Variants in ZNF121 observed in about 807,000 individuals in gnomAD.
ZNF121 encodes zinc finger protein 121.
A neutral mutation model predicts 2.4 loss-of-function variants in ZNF121; 1 was observed. The ratio of observed to expected loss-of-function variants is 0.41; its 90% CI spans 0.15 to 1.94. ZNF121 has a LOEUF of 1.94. ZNF121 is among the 30% of genes most tolerant of loss of function. ZNF121 has a pLI of 0.30. For missense variants in ZNF121, 369 were observed against 466.3 expected, an observed-to-expected ratio of 0.79 and a Z score of 1.92; for synonymous variants, 173 against 158.6, an observed-to-expected ratio of 1.09 and a Z score of -0.68.
chr19:9,574,452 C>T (rs2070108808), intron 1 of ZNF121, among the ~76,000 whole-genome samples: 1 of 152,186 alleles, frequency 6.6e-6, no homozygotes, highest in South Asian at 2.1e-4. Flanking sequence ...CCGCGCCCGG[C>T]CCTAGCAAGG....
rs1161246725 is a variant in ZNF121 at position 9,563,699 on chromosome 19, A to T, written c.*2241T>A. ...CTCAGCCTCCCAAAGCACTGGAATT[A>T]CAGGTGTAAGCCACTTTTCCCAGCC... On this transcript the variant is annotated 3_prime_UTR_variant, in exon 4 of 4. Coordinates refer to ENST00000320451, the MANE Select transcript of ZNF121 (RefSeq NM_001008727.5). 6.6e-6 allele frequency: 1 copy of T among 152,218 alleles called. No homozygotes were observed. Among genetic ancestry groups the T allele is most frequent in the African/African-American group, 2.4e-5 (1 of 41,462 alleles). The allele number at this position is 152,218 out of a possible 1,614,324, so 9.4% of individuals were successfully genotyped here.
intron 1 of ZNF121, among the ~76,000 whole-genome samples, chr19:9,572,158 A>G (rs2074178866): frequency 6.6e-6 from 1 of 152,188 alleles, no homozygotes; most frequent in South Asian, 2.1e-4. Context: ...CCTGACAGAA[A>G]ACTACAACCA....
rs1383576630 is a variant in ZNF121, at chr19:9,564,889, G to C, written c.*1051C>G. On this transcript the variant is annotated 3_prime_UTR_variant, in exon 4 of 4. Coordinates refer to ENST00000320451, the MANE Select transcript of ZNF121 (RefSeq NM_001008727.5). ...TTTAAGAAACTGCCACAGCCACCCT[G>C]ATCAACAGCCATCAACACTGAGGCA... The C allele has an allele frequency of 1.3e-5, 2 of 152,236 alleles. No homozygotes were observed. Among genetic ancestry groups the C allele is most frequent in the Non-Finnish European group, 2.9e-5 (2 of 68,038 alleles). 9.4% of individuals were successfully genotyped at this position (152,236 alleles called of 1,614,324 possible).
intron 1 of ZNF121, among the ~76,000 whole-genome samples, chr19:9,575,526 C>T (rs778920696): frequency 1.3e-5 from 2 of 151,990 alleles, no homozygotes; most frequent in East Asian, 3.9e-4. Context: ...GGGCAGATCA[C>T]GAGGTCAGAA....
At chr19:9,574,733 A>G (rs2074198657) in intron 1 of ZNF121, among the ~76,000 whole-genome samples, 1 of 152,242 alleles carries the variant, frequency 6.6e-6, no homozygotes, top group South Asian at 2.1e-4. Flanking sequence ...AATAAGGAAT[A>G]GGAACAGGCT....
chr19:9,577,095 T>C (rs922382648), intron 1 of ZNF121, among the ~76,000 whole-genome samples: 2 of 152,222 alleles, frequency 1.3e-5, no homozygotes, highest in African/African-American at 4.8e-5. Context: ...AAACTTGGTC[T>C]ACAAAGTGAG....
rs1343652112 is a variant in ZNF121 at position 9,560,538 on chromosome 19, G to C, written c.*5402C>G. On this transcript the variant is annotated 3_prime_UTR_variant, in exon 4 of 4. Transcript: ENST00000320451. ...CTTGTGGCAAATACCGCAGTACTTT[G>C]TTCTTCTGAGTTTGACGTTAGATAC... 1.3e-5 allele frequency: 2 copies of C among 152,138 alleles called. No individual in the cohort carries two copies. Among genetic ancestry groups the C allele is most frequent in the Non-Finnish European group, 2.9e-5 (2 of 68,038 alleles). The allele number at this position is 152,138 out of a possible 1,614,324, so 9.4% of individuals were successfully genotyped here. A position where few individuals can be genotyped will look rare whatever the true frequency, so the allele number is the denominator to read the frequency against.
intron 1 of ZNF121, among the ~76,000 whole-genome samples, chr19:9,580,821 T>C (rs2074243678): frequency 6.6e-6 from 1 of 152,196 alleles, no homozygotes; most frequent in African/African-American, 2.4e-5. Flanking sequence ...TATTCCATAG[T>C]CAATCCATGC....
At chr19:9,572,498 A>T (rs186123692) in intron 1 of ZNF121, among the ~76,000 whole-genome samples, 20 of 152,280 alleles carry the variant, frequency 1.3e-4, no homozygotes, top group Admixed American at 1.3e-3. Flanking sequence ...CAGGACTACC[A>T]TCCCAGCCCT....
At chr19:9,582,915 A>T (rs1264179485) in intron 1 of ZNF121, among the ~76,000 whole-genome samples, 1 of 32,838 alleles carries the variant, frequency 3.0e-5, no homozygotes, top group Non-Finnish European at 4.8e-5. Context: ...TAATATTCTG[A>T]TTATAAAGCC....
chr19:9,570,727 T>C (rs972548318), intron 1 of ZNF121, among the ~76,000 whole-genome samples: 8 of 134,564 alleles, frequency 5.9e-5, no homozygotes, highest in African/African-American at 2.4e-4. Context: ...CCACCACACT[T>C]GGCTAATTTT....
At chr19:9,574,001 A>G (rs2074192070) in intron 1 of ZNF121, among the ~76,000 whole-genome samples, 1 of 150,886 alleles carries the variant, frequency 6.6e-6, no homozygotes. Context: ...TGTGCACCAC[A>G]ATGCCTGGCT....
At position 9,561,254 on chromosome 19, in the gene ZNF121, C is replaced by A. The variant is rs1568495720; in HGVS notation, c.*4686G>T. The stretch of plus-strand genomic sequence containing the variant: ...GGAACACCTCCCTACACAGAGACTG[C>A]AGCTTCTAAATAGTATTCTCCATTA... On this transcript the variant is annotated 3_prime_UTR_variant, in exon 4 of 4. Coordinates refer to ENST00000320451, the MANE Select transcript of ZNF121 (RefSeq NM_001008727.5). The A allele has an allele frequency of 2.0e-5, 3 of 152,202 alleles. No homozygotes were observed. Among genetic ancestry groups the A allele is most frequent in the Admixed American group, 2.0e-4 (3 of 15,274 alleles). 9.4% of individuals were successfully genotyped at this position (152,202 alleles called of 1,614,324 possible). A position where few individuals can be genotyped will look rare whatever the true frequency, so the allele number is the denominator to read the frequency against.
intron 1 of ZNF121, among the ~76,000 whole-genome samples, chr19:9,581,852 C>A (rs1472626977): frequency 6.6e-6 from 1 of 152,122 alleles, no homozygotes; most frequent in Admixed American, 6.5e-5. Flanking sequence ...AAGTGAAATA[C>A]TAGTATTGTG....
chr19:9,576,271 A>T (rs773169944), intron 1 of ZNF121, among the ~76,000 whole-genome samples: 1 of 151,864 alleles, frequency 6.6e-6, no homozygotes, highest in Non-Finnish European at 1.5e-5. Context: ...ACATGGGGAG[A>T]CTGCTTGCAC....
At chr19:9,578,534 T>G (rs938426000) in intron 1 of ZNF121, among the ~76,000 whole-genome samples, 5 of 151,672 alleles carry the variant, frequency 3.3e-5, no homozygotes, top group Non-Finnish European at 7.4e-5. Context: ...ACAGAGAACC[T>G]AAATATAAAT....
intron 1 of ZNF121, among the ~76,000 whole-genome samples, chr19:9,569,958 A>G (rs2074162169): frequency 7.3e-6 from 1 of 136,218 alleles, no homozygotes; most frequent in African/African-American, 2.8e-5. Flanking sequence ...TTTCTTTTTG[A>G]GAGATTTTTG....
At chr19:9,583,126 A>AGAAT in intron 1 of ZNF121, among the ~76,000 whole-genome samples, 1 of 149,200 alleles carries the variant, frequency 6.7e-6, no homozygotes. Context: ...CTGAGGCAGG[A>AGAAT]GAATCACTTG....
chr19:9,568,231 G>T, intron 2 of ZNF121, 56 bp from the exon 3 acceptor site: 1 of 769,958 alleles, frequency 1.3e-6, no homozygotes, highest in Non-Finnish European at 2.0e-6. Context: ...AAAACAGTAG[G>T]TTAAATAAGT....
Sources: allele counts gnomAD v4.1 joint callset (sites outside exome capture counted in the v4.1 genomes callset), GRCh38; gene constraint gnomAD v4.1.1; transcripts MANE v1.5; gene names NCBI Gene and HGNC (gene_info 2026-07-23, HGNC 2026-07-21).